SLC16A7: variants seen among roughly 807,000 people sequenced by gnomAD.
SLC16A7 encodes solute carrier family 16 member 7, also known as monocarboxylate transporter 2.
SLC16A7 carries 33 observed loss-of-function variants against 34.9 expected under a neutral mutation model. The observed-to-expected ratio is 0.94, with a 90% CI of 0.72 to 1.26. The LOEUF is 1.26. Among genes scored for constraint, SLC16A7 ranks in the 50% most tolerant of loss-of-function variants. The probability of loss-of-function intolerance (pLI) is 0.00; values close to 1 mark genes in which losing one functional copy is unlikely to be tolerated. For synonymous variants in SLC16A7, 201 were observed against 206.6 expected (o/e 0.97, Z 0.23); for missense variants, 573 against 578.1 (o/e 0.99, Z 0.09).
intron 1 of SLC16A7, among the ~76,000 whole-genome samples, chr12:59,621,243 TGTGA>T (rs1347960959): frequency 6.6e-6 from 1 of 151,908 alleles, no homozygotes; most frequent in Non-Finnish European, 1.5e-5. Flanking sequence ...TCCCAATCCC[TGTGA>T]GTATTGTAGC....
intron 2 of SLC16A7, among the ~76,000 whole-genome samples, chr12:59,700,240 T>C (rs1763254050): frequency 6.6e-6 from 1 of 151,704 alleles, no homozygotes; most frequent in Admixed American, 6.6e-5. Flanking sequence ...CTTGTTTTTC[T>C]ACTATGTGCA....
At position 59,775,074 on chromosome 12, in the gene SLC16A7, G is replaced by GT. The variant is rs1882612081; in HGVS notation, c.786dup (p.Ala263CysfsTer11). 2 of 1,613,842 alleles carry GT rather than the reference G, an allele frequency of 1.2e-6. No homozygotes were observed. Among genetic ancestry groups the GT allele is most frequent in the African/African-American group, 1.3e-5 (1 of 74,882 alleles). On this transcript the variant is annotated frameshift_variant, in exon 5 of 6. Coordinates refer to ENST00000547379, the MANE Select transcript of SLC16A7 (RefSeq NM_001270623.2). LOFTEE classifies it high-confidence loss of function. ...TCTGGAAATGTCATTATGTTCCTAG[G>GT]TTTTTTTGCCCCCATTATATTCTTG...
intron 2 of SLC16A7, among the ~76,000 whole-genome samples, chr12:59,667,654 A>G (rs1592456415): frequency 6.6e-6 from 1 of 152,234 alleles, no homozygotes; most frequent in Admixed American, 6.5e-5. Flanking sequence ...ATGATGCAGT[A>G]GAGAAGAAAA....
chr12:59,688,320 C>CACT (rs1871313799), intron 2 of SLC16A7, among the ~76,000 whole-genome samples: 2 of 151,952 alleles, frequency 1.3e-5, no homozygotes, highest in African/African-American at 4.8e-5. Flanking sequence ...GCAATATGAC[C>CACT]ACTTTAAGGA....
At chr12:59,673,408 G>T (rs1343197369) in intron 2 of SLC16A7, among the ~76,000 whole-genome samples, 1 of 150,918 alleles carries the variant, frequency 6.6e-6, no homozygotes, top group Non-Finnish European at 1.5e-5. Context: ...CCATGATGTT[G>T]AACAAAATTA....
At chr12:59,717,790 TA>T (rs553906142) in intron 3 of SLC16A7, among the ~76,000 whole-genome samples, 86 of 152,248 alleles carry the variant, frequency 5.6e-4, no homozygotes, top group Non-Finnish European at 1.1e-3. Context: ...ATTTTAAGTT[TA>T]TATTTGTAAT....
chr12:59,731,464 C>T (rs1247321184), intron 3 of SLC16A7, among the ~76,000 whole-genome samples: 1 of 152,184 alleles, frequency 6.6e-6, no homozygotes. Context: ...GCCCCAAGCT[C>T]AGTGCTTTGA....
At chr12:59,777,940 A>T (rs1485686958) in intron 5 of SLC16A7, among the ~76,000 whole-genome samples, 1 of 151,872 alleles carries the variant, frequency 6.6e-6, no homozygotes, top group Non-Finnish European at 1.5e-5. Context: ...ACTGAGAATG[A>T]TGATTTCCAG....
intron 1 of SLC16A7, among the ~76,000 whole-genome samples, chr12:59,648,130 G>T (rs753481069): frequency 6.6e-6 from 1 of 152,094 alleles, no homozygotes; most frequent in East Asian, 1.9e-4. Flanking sequence ...GGAACTTAAG[G>T]TTAAGGGATG....
intron 3 of SLC16A7, among the ~76,000 whole-genome samples, chr12:59,746,573 G>A (rs1878911546): frequency 6.6e-6 from 1 of 152,192 alleles, no homozygotes; most frequent in Admixed American, 6.5e-5. Context: ...AGCAAAAGTA[G>A]ACTCTGAGTT....
intron 2 of SLC16A7, among the ~76,000 whole-genome samples, chr12:59,674,468 A>G (rs369074318): frequency 1.3e-5 from 2 of 152,188 alleles, no homozygotes; most frequent in Non-Finnish European, 2.9e-5. Flanking sequence ...CCATATCACT[A>G]GGTTCAAGGA....
chr12:59,739,524 A>G (rs1308325625), intron 3 of SLC16A7, among the ~76,000 whole-genome samples: 5 of 143,434 alleles, frequency 3.5e-5, no homozygotes, highest in Admixed American at 1.4e-4. Context: ...GTGTCTTTAT[A>G]GCAGCATGAT....
chr12:59,651,673 A>G (rs1164564182), intron 1 of SLC16A7, among the ~76,000 whole-genome samples: 1 of 152,088 alleles, frequency 6.6e-6, no homozygotes, highest in Non-Finnish European at 1.5e-5. Flanking sequence ...AAGAAATGTT[A>G]CTCTTCAGCT....
At chr12:59,744,407 CGGGGAAG>C (rs1048319729) in intron 3 of SLC16A7, among the ~76,000 whole-genome samples, 1 of 152,084 alleles carries the variant, frequency 6.6e-6, no homozygotes, top group African/African-American at 2.4e-5. Context: ...AGGAGTCCAG[CGGGGAAG>C]GCTGGACTCT....
At chr12:59,740,751 G>T (rs542233656) in intron 3 of SLC16A7, among the ~76,000 whole-genome samples, 72 of 152,224 alleles carry the variant, frequency 4.7e-4, no homozygotes, top group African/African-American at 1.6e-3. Flanking sequence ...TATTCAGTTA[G>T]GAAAAGAGGA....
chr12:59,757,285 G>A (rs1296504592), intron 3 of SLC16A7, among the ~76,000 whole-genome samples: 14 of 146,402 alleles, frequency 9.6e-5, no homozygotes, highest in African/African-American at 3.6e-4. Flanking sequence ...AATAAAAAAA[G>A]AAGAAATACC....
intron 1 of SLC16A7, among the ~76,000 whole-genome samples, chr12:59,643,261 C>G (rs968771080): frequency 6.6e-6 from 1 of 152,144 alleles, no homozygotes; most frequent in Non-Finnish European, 1.5e-5. Context: ...ACATTTCTGA[C>G]ATTAAATCCA....
Position 59,765,274 on chromosome 12 carries a change from C to T in SLC16A7, c.218-5945C>T, listed in dbSNP as rs546560156. ...TAGGTTGCAAAAATTTTCTCCCATT[C>T]TGTAGGTTGCCTGTTCACTCTGATG... On this transcript the variant is annotated intron_variant, in intron 3 of 5. Transcript: ENST00000547379. Among the ~76,000 whole-genome samples the T allele has an allele frequency of 5.4e-3, 817 of 152,078 alleles. 11 individuals carry two copies. Among genetic ancestry groups the T allele is most frequent in the African/African-American group, 0.019 (785 of 41,514 alleles).
intron 3 of SLC16A7, among the ~76,000 whole-genome samples, chr12:59,750,377 C>T (rs950030716): frequency 1.3e-5 from 2 of 152,064 alleles, no homozygotes; most frequent in Non-Finnish European, 2.9e-5. Context: ...AAGAAAAAAA[C>T]AACCCCATCA....
Sources: allele counts gnomAD v4.1 joint callset (sites outside exome capture counted in the v4.1 genomes callset), GRCh38; gene constraint gnomAD v4.1.1; transcripts MANE v1.5; gene names NCBI Gene and HGNC (gene_info 2026-07-23, HGNC 2026-07-21).